TAFA3: variants seen among roughly 807,000 people sequenced by gnomAD.
TAFA3 encodes TAFA chemokine like family member 3, also known as chemokine-like protein TAFA-3.
In TAFA3, 17 loss-of-function variants were observed where a neutral mutation model predicts 20.7. That is an observed-to-expected ratio of 0.82 (90% CI 0.56 to 1.23). TAFA3 has a LOEUF of 1.23. TAFA3 is among the 50% of genes most tolerant of loss of function. The pLI is 0.00. For missense variants in TAFA3, 174 were observed against 172.8 expected, an observed-to-expected ratio of 1.01 and a Z score of -0.04; for synonymous variants, 74 against 71.8, an observed-to-expected ratio of 1.03 and a Z score of -0.16.
intron 4 of TAFA3, 125 bp from the exon 5 acceptor site, chr1:112,723,888 A>C (rs1675392343): frequency 6.3e-7 from 1 of 1,595,332 alleles, no homozygotes; most frequent in South Asian, 1.1e-5. Context: ...GGGGAAAGAC[A>C]AGGGAAATGC....
At position 112,726,616 on chromosome 1, in the gene TAFA3, G is replaced by A. The variant is rs1053143570; in HGVS notation, c.391-13G>A. The A allele has an allele frequency of 1.1e-5, 17 of 1,613,544 alleles. No homozygotes were observed. The highest frequency in any genetic ancestry group is 9.4e-5 in the African/African-American group (7 of 74,832). On this transcript the variant is annotated splice_polypyrimidine_tract_variant and intron_variant, in intron 5 of 5. Coordinates refer to ENST00000361886, the MANE Select transcript of TAFA3 (RefSeq NM_182759.3). ...TTCCCTTCTCTAACCTTACCCTCTCGCTTCTTCACCAGGTCACACGATAGC... is the reference window on the plus strand; with the variant it reads ...TTCCCTTCTCTAACCTTACCCTCTCACTTCTTCACCAGGTCACACGATAGC...
In TAFA3 at chr1:112,720,675, G is replaced by T. The variant is rs115691784; in HGVS notation, c.-2+41G>T. On this transcript the variant is annotated intron_variant, in intron 2 of 5. Coordinates refer to ENST00000361886, the MANE Select transcript of TAFA3 (RefSeq NM_182759.3). Reference sequence around the variant, plus strand: ...TTGAAGATGGGGAGTAGCGGGGGTGGACAGAGATCAAGTACCCTATCTGAG... The same window carrying T: ...TTGAAGATGGGGAGTAGCGGGGGTGTACAGAGATCAAGTACCCTATCTGAG... 447 of 152,626 alleles carry T rather than the reference G, an allele frequency of 2.9e-3. 1 individual carries two copies. Among genetic ancestry groups the T allele is most frequent in the African/African-American group, 9.4e-3 (392 of 41,576 alleles). 9.5% of individuals were successfully genotyped at this position (152,626 alleles called of 1,614,324 possible). A position where few individuals can be genotyped will look rare whatever the true frequency, so the allele number is the denominator to read the frequency against.
In TAFA3 at chr1:112,719,999, G is replaced by C. The variant is rs948645453; in HGVS notation, c.-59-578G>C. ...AGGTGAGGGAAGAGAGGTTCTTAGGGAGAAATGGAAAGCTATTGGAGGCTG... is the reference window on the plus strand; with the variant it reads ...AGGTGAGGGAAGAGAGGTTCTTAGGCAGAAATGGAAAGCTATTGGAGGCTG... On this transcript the variant is annotated intron_variant, in intron 1 of 5. Transcript: ENST00000361886. 2.0e-5 allele frequency among the ~76,000 whole-genome samples: 3 copies of C among 152,160 alleles called. No homozygotes were observed. In the South Asian group the frequency reaches 6.2e-4, roughly 32 times the overall value.
At position 112,724,657 on chromosome 1, in the gene TAFA3, G is replaced by A. The variant is rs867651726; in HGVS notation, c.390+520G>A. On this transcript the variant is annotated intron_variant, in intron 5 of 5. Transcript: ENST00000361886. ...GGTGGGGTGGGGGGAGGGGGGAGGG[G>A]TAGCATTGGGAGATATACCTAATGC... Among the ~76,000 whole-genome samples, 373 of 115,164 alleles carry A rather than the reference G, an allele frequency of 3.2e-3. 3 individuals are homozygous for A. The highest frequency in any genetic ancestry group is 0.011 in the African/African-American group (345 of 30,168). The allele number at this position is 115,164 out of a possible 152,430, so 75.6% of individuals were successfully genotyped here.
chr1:112,722,075 G>A (rs936208597), intron 2 of TAFA3, among the ~76,000 whole-genome samples, 158 bp from the exon 3 acceptor site: 1 of 152,128 alleles, frequency 6.6e-6, no homozygotes, highest in Non-Finnish European at 1.5e-5. Flanking sequence ...ACTCACTACT[G>A]CCTGCATGAC....
rs1341622253 is a variant in TAFA3 at position 112,719,049 on chromosome 1, C to T, written c.-310C>T. ...AAAAACCCGGCTGAGTTCTGCAGAG[C>T]TGGCGGGGCCGGGCCCAGAGCTCCC... On this transcript the variant is annotated 5_prime_UTR_variant, in exon 1 of 6. Coordinates refer to ENST00000361886, the MANE Select transcript of TAFA3 (RefSeq NM_182759.3). Among the ~76,000 whole-genome samples the T allele has an allele frequency of 1.3e-5, 2 of 152,242 alleles. No homozygotes were observed. The highest frequency in any genetic ancestry group is 2.9e-5 in the Non-Finnish European group (2 of 68,042).
At chr1:112,720,130 A>G (rs1279534680) in intron 1 of TAFA3, among the ~76,000 whole-genome samples, 2 of 152,108 alleles carry the variant, frequency 1.3e-5, no homozygotes, top group Non-Finnish European at 2.9e-5. Context: ...GAGTCCAGGA[A>G]GCAGGTGCCA....
intron 4 of TAFA3, 48 bp from the exon 5 acceptor site, chr1:112,723,965 T>G (rs756192769): frequency 1.2e-6 from 2 of 1,613,772 alleles, no homozygotes; most frequent in Non-Finnish European, 1.7e-6. Flanking sequence ...GGCTGCCCAC[T>G]GTGCTCGTAG....
At chr1:112,719,736 G>T in intron 1 of TAFA3, among the ~76,000 whole-genome samples, 1 of 152,128 alleles carries the variant, frequency 6.6e-6, no homozygotes, top group Non-Finnish European at 1.5e-5. Flanking sequence ...ATTTGTGATG[G>T]TCAAAAGGAG....
At position 112,723,104 on chromosome 1, in the gene TAFA3, A is replaced by G; in HGVS notation, c.204A>G (p.Lys68=). Residue 68 remains lysine, a synonymous_variant, in exon 4 of 6, where the codon AAA becomes AAG. Coordinates refer to ENST00000361886, the MANE Select transcript of TAFA3 (RefSeq NM_182759.3). ...TCGAGGAGCGCTCCCAGACGGTGAA[A>G]TGCTCCTGTTTTTCTGGCCAGGTGG... is the stretch of plus-strand genomic sequence containing the variant. ...NRIEERSQTV[K]CSCFSGQVAG... The G allele has an allele frequency of 6.2e-7, 1 of 1,613,198 alleles. No individual in the cohort carries two copies. Among genetic ancestry groups the G allele is most frequent in the Non-Finnish European group, 8.5e-7 (1 of 1,179,758 alleles).
chr1:112,721,056 C>G (rs1229178473), intron 2 of TAFA3, among the ~76,000 whole-genome samples: 1 of 152,228 alleles, frequency 6.6e-6, no homozygotes, highest in Non-Finnish European at 1.5e-5. Context: ...TGGCCTTGGG[C>G]AAGTCATTTG....
In TAFA3 at chr1:112,723,020, TGTG is replaced by T. The variant is rs1675366707; in HGVS notation, c.121_123del (p.Val41del). On this transcript the variant is annotated inframe_deletion, in exon 4 of 6. Transcript: ENST00000361886. ...ATCCTGGGCGGCTCCCCTCAGTGCT[TGTG>T]CAGCAGGGCACCTGCGAGGTGATTG... 1.2e-6 allele frequency: 2 copies of T among 1,611,196 alleles called. No homozygotes were observed. The highest frequency in any genetic ancestry group is 1.7e-6 in the Non-Finnish European group (2 of 1,179,036).
Position 112,726,955 on chromosome 1 carries a change from C to T in TAFA3, c.*315C>T. 1 of 379,094 alleles carries T rather than the reference C, an allele frequency of 2.6e-6. No homozygotes were observed. Among genetic ancestry groups the T allele is most frequent in the Non-Finnish European group, 4.8e-6 (1 of 207,242 alleles). 23.5% of individuals were successfully genotyped at this position (379,094 alleles called of 1,614,324 possible). A position where few individuals can be genotyped will look rare whatever the true frequency, so the allele number is the denominator to read the frequency against. On this transcript the variant is annotated 3_prime_UTR_variant, in exon 6 of 6. Transcript: ENST00000361886. ...TAATTTAGGTTAAAGTACTTGATAC[C>T]AGACTGCGGCTTCTGGGCCACATGC...
At chr1:112,722,909 C>G in intron 3 of TAFA3, 107 bp from the exon 4 acceptor site, 1 of 1,391,028 alleles carries the variant, frequency 7.2e-7, no homozygotes, top group Non-Finnish European at 9.6e-7. Context: ...CAGTCTCTTC[C>G]ATAGCCCTCC....
In TAFA3 at chr1:112,718,939, G is replaced by A. The variant is rs550050674; in HGVS notation, c.-420G>A. On this transcript the variant is annotated 5_prime_UTR_variant, in exon 1 of 6. Transcript: ENST00000361886. The stretch of plus-strand genomic sequence containing the variant: ...AAGGAGGCGGCGGCGCCCACGCGGG[G>A]CTGGAGGAGCGGGGGTAGCCCGGGG... Among the ~76,000 whole-genome samples the A allele has an allele frequency of 2.2e-4, 34 of 152,296 alleles. No individual in the cohort carries two copies. The highest frequency in any genetic ancestry group is 7.5e-4 in the African/African-American group (31 of 41,568).
Position 112,722,228 on chromosome 1 carries a change from C to A in TAFA3, c.-1-5C>A. On this transcript the variant is annotated splice_region_variant and splice_polypyrimidine_tract_variant and intron_variant, in intron 2 of 5. Transcript: ENST00000361886. Reference sequence around the variant, plus strand: ...GCTGAGCAGAATGTGTGCTTCTCTCCGCAGGATGAGTGAGAGGGTCGAGCG... The same window carrying A: ...GCTGAGCAGAATGTGTGCTTCTCTCAGCAGGATGAGTGAGAGGGTCGAGCG... 3.1e-6 allele frequency: 5 copies of A among 1,613,918 alleles called. No homozygotes were observed. Among genetic ancestry groups the A allele is most frequent in the Non-Finnish European group, 4.2e-6 (5 of 1,179,876 alleles).
At chr1:112,726,291 G>T (rs369553202) in intron 5 of TAFA3, among the ~76,000 whole-genome samples, 1 of 152,236 alleles carries the variant, frequency 6.6e-6, no homozygotes, top group East Asian at 1.9e-4. Context: ...CGGAGGCAGG[G>T]ATGAGGGACA....
chr1:112,726,649 G>A lies in TAFA3; in HGVS notation c.*9G>A. The A allele has an allele frequency of 1.2e-6, 2 of 1,613,892 alleles. No individual in the cohort carries two copies. Among genetic ancestry groups the A allele is most frequent in the Non-Finnish European group, 1.7e-6 (2 of 1,179,852 alleles). ...ACCAGGTCACACGATAGCTCTTGGG[G>A]GTCACGGCCTGGACAAGAAAGGCTT... On this transcript the variant is annotated 3_prime_UTR_variant, in exon 6 of 6. Transcript: ENST00000361886.
In TAFA3 at chr1:112,723,821, G is replaced by A. The variant is rs531245123; in HGVS notation, c.266-192G>A. 4.7e-6 allele frequency: 5 copies of A among 1,073,294 alleles called. No homozygotes were observed. The African/African-American group carries it at 7.9e-5, about 17-fold the overall frequency. 66.5% of individuals were successfully genotyped at this position (1,073,294 alleles called of 1,614,324 possible). ...CAGGGATCGGTGGGATTAAAGTTGAGAGGGTTACGTCCCCAGGCCTCAGGC... is the reference window on the plus strand; with the variant it reads ...CAGGGATCGGTGGGATTAAAGTTGAAAGGGTTACGTCCCCAGGCCTCAGGC... On this transcript the variant is annotated intron_variant, in intron 4 of 5. Transcript: ENST00000361886.
Sources: allele counts gnomAD v4.1 joint callset (sites outside exome capture counted in the v4.1 genomes callset), GRCh38; gene constraint gnomAD v4.1.1; transcripts MANE v1.5; gene names NCBI Gene and HGNC (gene_info 2026-07-23, HGNC 2026-07-21).